C16orf74: variants seen among roughly 807,000 people sequenced by gnomAD.
C16orf74 encodes uncharacterized protein C16orf74.
C16orf74 carries 10 observed loss-of-function variants against 6.5 expected under a neutral mutation model. That is an observed-to-expected ratio of 1.54 (90% CI 0.95 to 2.61). The LOEUF (loss-of-function observed/expected upper bound fraction) is 2.61. C16orf74 is among the 30% of genes most tolerant of loss of function. The pLI, the probability that C16orf74 is intolerant of heterozygous loss-of-function variation, is 0.00. For synonymous variants in C16orf74, 60 were observed against 42.5 expected, an observed-to-expected ratio of 1.41 and a Z score of -1.60; for missense variants, 141 against 105.9, an observed-to-expected ratio of 1.33 and a Z score of -1.45.
chr16:85,732,665 CAAAAA>C (rs66539936), intron 2 of C16orf74, among the ~76,000 whole-genome samples: 4 of 44,170 alleles, frequency 9.1e-5, no homozygotes, highest in African/African-American at 1.4e-4. Flanking sequence ...GACTCTGTCT[CAAAAA>C]AAAAAAAAAA....
chr16:85,725,268 G>T (rs1183172103), intron 2 of C16orf74, among the ~76,000 whole-genome samples: 1 of 152,042 alleles, frequency 6.6e-6, no homozygotes, highest in Non-Finnish European at 1.5e-5. Flanking sequence ...GATCTGTTCA[G>T]AAGGTTCCAG....
intron 2 of C16orf74, among the ~76,000 whole-genome samples, 159 bp downstream of exon 2, chr16:85,735,031 C>G (rs1336250391): frequency 2.0e-5 from 3 of 152,178 alleles, no homozygotes; most frequent in African/African-American, 7.2e-5. Context: ...AGAGTCAGGA[C>G]AAGCATTTTT....
chr16:85,711,921 G>A (rs1598779544), intron 2 of C16orf74, among the ~76,000 whole-genome samples: 1 of 152,192 alleles, frequency 6.6e-6, no homozygotes, highest in East Asian at 1.9e-4. Context: ...ATGGCTCTGA[G>A]AGGCAGAGTC....
At chr16:85,733,253 T>G (rs1444254225) in intron 2 of C16orf74, among the ~76,000 whole-genome samples, 1 of 152,254 alleles carries the variant, frequency 6.6e-6, no homozygotes, top group Non-Finnish European at 1.5e-5. Flanking sequence ...GCATGTTCAA[T>G]GTGGATGAGC....
At chr16:85,728,982 T>C (rs2054161152) in intron 2 of C16orf74, among the ~76,000 whole-genome samples, 1 of 152,212 alleles carries the variant, frequency 6.6e-6, no homozygotes, top group African/African-American at 2.4e-5. Context: ...GAGAATCTGA[T>C]GGTCTGACTG....
chr16:85,720,039 A>T (rs2054066904), intron 2 of C16orf74, among the ~76,000 whole-genome samples: 1 of 151,308 alleles, frequency 6.6e-6, no homozygotes, highest in Admixed American at 6.6e-5. Context: ...AGGGTTCCAG[A>T]TGCGTTTAAT....
At chr16:85,729,266 T>C (rs2054164430) in intron 2 of C16orf74, among the ~76,000 whole-genome samples, 1 of 152,218 alleles carries the variant, frequency 6.6e-6, no homozygotes, top group African/African-American at 2.4e-5. Context: ...ATCCTGTTGA[T>C]GCCAGCACGT....
chr16:85,723,222 T>C (rs364489), intron 2 of C16orf74, among the ~76,000 whole-genome samples: 46,928 of 143,234 alleles, frequency 0.33, 7,997 homozygotes, highest in Middle Eastern at 0.46. Flanking sequence ...ATCGCACCAC[T>C]GTACTCCAGC....
chr16:85,730,229 A>G lies in C16orf74; in HGVS notation c.28+4961T>C, dbSNP rs183629628. Among the ~76,000 whole-genome samples the G allele has an allele frequency of 2.3e-3, 352 of 152,228 alleles. 1 individual carries two copies. The highest frequency in any genetic ancestry group is 8.2e-3 in the African/African-American group (340 of 41,534). On this transcript the variant is annotated intron_variant, in intron 2 of 3. Coordinates refer to ENST00000284245, the MANE Select transcript of C16orf74 (RefSeq NM_206967.3). The stretch of plus-strand genomic sequence containing the variant: ...ACACTCTGCTGAGTGGGTTCAGCCC[A>G]TGCCTCCCGTAACCACGCCTCCAAA...
intron 2 of C16orf74, chr16:85,710,524 G>A: frequency 2.0e-6 from 1 of 505,618 alleles, no homozygotes; most frequent in Non-Finnish European, 3.4e-6. Context: ...CCATGAGTCG[G>A]GAAACAGATT....
chr16:85,714,442 C>T (rs1004425106), intron 2 of C16orf74, among the ~76,000 whole-genome samples: 11 of 150,024 alleles, frequency 7.3e-5, no homozygotes, highest in South Asian at 6.3e-4. Context: ...ATTTTTGAGA[C>T]GGAGTCTTGC....
chr16:85,746,624 G>T (rs2054376123), intron 1 of C16orf74, among the ~76,000 whole-genome samples: 1 of 152,212 alleles, frequency 6.6e-6, no homozygotes, highest in East Asian at 1.9e-4. Context: ...GGAGGACCCA[G>T]AAGAGGGCAG....
intron 2 of C16orf74, among the ~76,000 whole-genome samples, chr16:85,728,282 G>A (rs1216616725): frequency 1.3e-5 from 2 of 152,204 alleles, no homozygotes; most frequent in African/African-American, 2.4e-5. Context: ...GGTGTGGGGT[G>A]TGTGGGAACT....
chr16:85,709,014 G>A (rs972403056), intron 3 of C16orf74, among the ~76,000 whole-genome samples: 2 of 152,222 alleles, frequency 1.3e-5, no homozygotes, highest in African/African-American at 2.4e-5. Flanking sequence ...TGCGGCACCC[G>A]TGACTAGCAC....
In C16orf74 at chr16:85,719,174, G is replaced by C. The variant is rs80328558; in HGVS notation, c.29-8867C>G. Among the ~76,000 whole-genome samples, 1,227 of 152,364 alleles carry C rather than the reference G, an allele frequency of 8.1e-3. 17 individuals carry two copies. The highest frequency in any genetic ancestry group is 0.028 in the African/African-American group (1,165 of 41,576). ...ACACCCCAGCTCTGAGCCTGGGCCA[G>C]GGAGGTGGCCAGTCAACAGGCATTT... On this transcript the variant is annotated intron_variant, in intron 2 of 3. Coordinates refer to ENST00000284245, the MANE Select transcript of C16orf74 (RefSeq NM_206967.3).
intron 1 of C16orf74, among the ~76,000 whole-genome samples, chr16:85,739,265 G>T (rs557609141): frequency 6.6e-6 from 1 of 152,294 alleles, no homozygotes; most frequent in Non-Finnish European, 1.5e-5. Flanking sequence ...AGCCAGACTC[G>T]ACATCCCAAC....
chr16:85,721,545 T>A (rs9308352), intron 2 of C16orf74, among the ~76,000 whole-genome samples: 3,538 of 152,306 alleles, frequency 0.023, 124 homozygotes, highest in African/African-American at 0.081. Flanking sequence ...GCTTGGGACA[T>A]GCTTCTACTT....
chr16:85,743,333 G>A (rs2054331082), intron 1 of C16orf74: 1 of 152,234 alleles, frequency 6.6e-6, no homozygotes, highest in Admixed American at 6.5e-5. Flanking sequence ...ATATCCAGCT[G>A]TTTTCAGTGT....
intron 1 of C16orf74, among the ~76,000 whole-genome samples, chr16:85,739,784 G>A (rs764706026): frequency 1.3e-5 from 2 of 152,148 alleles, no homozygotes; most frequent in African/African-American, 2.4e-5. Flanking sequence ...GGGAGACAGA[G>A]CAAGACCCTG....
Sources: gnomAD v4.1 joint callset for allele counts (sites outside exome capture counted in the v4.1 genomes callset) on GRCh38, gnomAD v4.1.1 for gene constraint, MANE v1.5 for transcripts, NCBI Gene and HGNC (gene_info 2026-07-23, HGNC 2026-07-21) for gene names.